Variants in ANO10 observed in about 807,000 individuals in gnomAD.
ANO10 encodes the protein anoctamin-10.
Under a neutral mutation model 74.7 loss-of-function variants are expected in ANO10, and 77 were observed. The ratio of observed to expected loss-of-function variants is 1.03; its 90% CI spans 0.86 to 1.25. The LOEUF (loss-of-function observed/expected upper bound fraction) is 1.25, where lower values mean the gene tolerates loss of function less well. ANO10 is among the 50% of genes most tolerant of loss of function. The pLI is 0.00. For synonymous variants in ANO10, 279 were observed against 284.9 expected (o/e 0.98, Z 0.21); for missense variants, 721 against 778.1 (o/e 0.93, Z 0.87).
At chr3:43,543,477 C>G (rs556569283) in intron 11 of ANO10, among the ~76,000 whole-genome samples, 1 of 152,322 alleles carries the variant, frequency 6.6e-6, no homozygotes, top group African/African-American at 2.4e-5. Context: ...GCAAGCTCTG[C>G]CTCCCGAATT....
chr3:43,611,248 G>A (rs1575543330), intron 1 of ANO10, among the ~76,000 whole-genome samples: 1 of 152,260 alleles, frequency 6.6e-6, no homozygotes, highest in East Asian at 1.9e-4. Flanking sequence ...CTGAGATACT[G>A]GGGAGATACA....
intron 1 of ANO10, among the ~76,000 whole-genome samples, chr3:43,629,108 T>C (rs1210186261): frequency 6.6e-6 from 1 of 152,190 alleles, no homozygotes; most frequent in Admixed American, 6.5e-5. Context: ...ACATGTGATG[T>C]CTCCCCCGGA....
chr3:43,402,676 C>G (rs1295727618), intron 12 of ANO10, among the ~76,000 whole-genome samples: 1 of 152,154 alleles, frequency 6.6e-6, no homozygotes, highest in African/African-American at 2.4e-5. Context: ...CACACTGGCT[C>G]TTTTCAAAAT....
At chr3:43,431,437 A>C (rs1474286059) in intron 12 of ANO10, among the ~76,000 whole-genome samples, 1 of 151,696 alleles carries the variant, frequency 6.6e-6, no homozygotes, top group African/African-American at 2.4e-5. Context: ...TCTTCCTCTT[A>C]TACAACTGCT....
chr3:43,387,580 T>G (rs770101401), intron 12 of ANO10, among the ~76,000 whole-genome samples: 7 of 152,104 alleles, frequency 4.6e-5, no homozygotes, highest in Non-Finnish European at 8.8e-5. Context: ...TCCCCAGATA[T>G]TCTAAAGAAA....
intron 12 of ANO10, among the ~76,000 whole-genome samples, chr3:43,432,268 T>C (rs1266322577): frequency 6.6e-6 from 1 of 152,136 alleles, no homozygotes; most frequent in Non-Finnish European, 1.5e-5. Context: ...TTCATTCACT[T>C]CTCCTCACTT....
chr3:43,691,026 G>C, intron 1 of ANO10: 1 of 1,562,558 alleles, frequency 6.4e-7, no homozygotes, highest in Non-Finnish European at 8.6e-7. Flanking sequence ...GGACTCTGCC[G>C]ACACCGGAGA....
chr3:43,614,626 C>T (rs979747488), intron 1 of ANO10, among the ~76,000 whole-genome samples: 6 of 151,518 alleles, frequency 4.0e-5, no homozygotes, highest in Admixed American at 1.3e-4. Context: ...ACCATTTTCA[C>T]GCATTGCTGA....
chr3:43,498,538 T>C (rs970083309), intron 11 of ANO10, among the ~76,000 whole-genome samples: 1 of 151,622 alleles, frequency 6.6e-6, no homozygotes, highest in Non-Finnish European at 1.5e-5. Context: ...GAGGGAAGAG[T>C]AGGGAATAAA....
chr3:43,538,277 C>CA (rs1202376404), intron 11 of ANO10, among the ~76,000 whole-genome samples: 1 of 151,990 alleles, frequency 6.6e-6, no homozygotes, highest in Non-Finnish European at 1.5e-5. Flanking sequence ...ACAGGGTCTA[C>CA]ACATTGACAA....
At chr3:43,400,986 G>T (rs2092471051) in intron 12 of ANO10, among the ~76,000 whole-genome samples, 1 of 152,182 alleles carries the variant, frequency 6.6e-6, no homozygotes, top group Non-Finnish European at 1.5e-5. Flanking sequence ...CCTCTTTCAT[G>T]ATGGACTTTA....
intron 4 of ANO10, among the ~76,000 whole-genome samples, chr3:43,592,351 C>T (rs573495704): frequency 3.3e-4 from 50 of 152,292 alleles, no homozygotes; most frequent in African/African-American, 1.1e-3. Context: ...AACTCCCAGT[C>T]GGGGCCAACT....
intron 11 of ANO10, among the ~76,000 whole-genome samples, chr3:43,444,928 C>T (rs1441626976): frequency 1.3e-5 from 2 of 152,008 alleles, no homozygotes; most frequent in African/African-American, 2.4e-5. Flanking sequence ...TCGAGACCAT[C>T]CTGGCTAACA....
At chr3:43,511,118 G>A (rs939477834) in intron 11 of ANO10, among the ~76,000 whole-genome samples, 9 of 152,060 alleles carry the variant, frequency 5.9e-5, no homozygotes, top group Non-Finnish European at 1.2e-4. Context: ...TTTTAAAGAC[G>A]ATCGTTTTAA....
intron 1 of ANO10, among the ~76,000 whole-genome samples, chr3:43,613,732 A>G (rs2082948668): frequency 6.6e-6 from 1 of 152,164 alleles, no homozygotes; most frequent in Admixed American, 6.5e-5. Context: ...TGAGTTCATC[A>G]CCTTCAAAAT....
At chr3:43,405,115 A>G (rs2092554144) in intron 12 of ANO10, among the ~76,000 whole-genome samples, 1 of 152,234 alleles carries the variant, frequency 6.6e-6, no homozygotes, top group African/African-American at 2.4e-5. Context: ...AGTTGATCTA[A>G]CATGTCCTTT....
intron 11 of ANO10, among the ~76,000 whole-genome samples, chr3:43,527,572 A>G (rs1217322827): frequency 6.6e-6 from 1 of 152,194 alleles, no homozygotes; most frequent in Non-Finnish European, 1.5e-5. Context: ...ATCAATAGGA[A>G]GAGAAGACAA....
chr3:43,439,818 G>A (rs1300734060), intron 11 of ANO10, among the ~76,000 whole-genome samples: 1 of 152,086 alleles, frequency 6.6e-6, no homozygotes, highest in Admixed American at 6.6e-5. Flanking sequence ...GGAAGTTGTG[G>A]TTGCAGTGAC....
chr3:43,607,692 A>G (rs1314017878), intron 1 of ANO10, among the ~76,000 whole-genome samples: 1 of 152,246 alleles, frequency 6.6e-6, no homozygotes, highest in Non-Finnish European at 1.5e-5. Flanking sequence ...AATAGTAACA[A>G]GCAATAGAAA....
Sources: allele counts gnomAD v4.1 joint callset (sites outside exome capture counted in the v4.1 genomes callset), GRCh38; gene constraint gnomAD v4.1.1; transcripts MANE v1.5; gene names NCBI Gene and HGNC (gene_info 2026-07-23, HGNC 2026-07-21).